Variants in MORC4 observed in about 807,000 individuals in gnomAD.
MORC4 encodes the protein MORC family CW-type zinc finger 4, also known as MORC family CW-type zinc finger protein 4.
MORC4 carries 22 observed loss-of-function variants against 65.5 expected under a neutral mutation model. The observed-to-expected ratio is 0.34, with a 90% CI of 0.24 to 0.48. The LOEUF is 0.48. MORC4 is among the 20% of genes least tolerant of loss of function. The probability of loss-of-function intolerance (pLI) is 0.99; values close to 1 mark genes in which losing one functional copy is unlikely to be tolerated. For missense variants in MORC4, 624 were observed against 703.0 expected, an observed-to-expected ratio of 0.89 and a Z score of 1.27; for synonymous variants, 267 against 255.8, an observed-to-expected ratio of 1.04 and a Z score of -0.42.
At chrX:106,949,019 CT>C (rs1344094615) in intron 14 of MORC4, among the ~76,000 whole-genome samples, 2 of 111,666 alleles carry the variant, frequency 1.8e-5, no homozygotes, top group Non-Finnish European at 3.8e-5. Flanking sequence ...CATTTTCTCT[CT>C]ATTCTTCTAT....
At chrX:106,960,185 A>G (rs1202861813) in intron 10 of MORC4, among the ~76,000 whole-genome samples, 2 of 112,220 alleles carry the variant, frequency 1.8e-5, no homozygotes. Flanking sequence ...GAAAGGTCCT[A>G]TTAGCTTCGG....
chrX:106,999,076 C>G (rs1182851107), intron 2 of MORC4, among the ~76,000 whole-genome samples: 1 of 111,958 alleles, frequency 8.9e-6, no homozygotes, highest in Admixed American at 9.4e-5. Flanking sequence ...ACTTTAAAAG[C>G]AAACACCGGT....
chrX:106,981,371 G>T lies in MORC4; in HGVS notation c.781C>A (p.Leu261Ile). The T allele has an allele frequency of 8.3e-7, 1 of 1,205,256 alleles. No individual in the cohort carries two copies. The highest frequency in any genetic ancestry group is 1.1e-6 in the Non-Finnish European group (1 of 892,390). ...EKMTGGVTSE[L>I]PETEYSLRAF... ...CTTAAAGAATATTCTGTTTCTGGTA[G>T]CTCAGAGGTAACACCGCCAGTCATT... Residue 261 changes from leucine (L) to isoleucine (I), a missense_variant, in exon 6 of 17, where the codon CTA becomes ATA. Coordinates refer to ENST00000355610, the MANE Select transcript of MORC4 (RefSeq NM_024657.5).
intron 9 of MORC4, among the ~76,000 whole-genome samples, chrX:106,962,763 C>T (rs938331581): frequency 1.8e-5 from 2 of 111,738 alleles, no homozygotes; most frequent in Non-Finnish European, 3.8e-5. Context: ...TCAGGGTCAA[C>T]AAAAATGTAA....
chrX:106,962,693 G>C (rs928330547), intron 9 of MORC4, among the ~76,000 whole-genome samples: 1 of 111,996 alleles, frequency 8.9e-6, no homozygotes, highest in African/African-American at 3.2e-5. Flanking sequence ...GTTACTGGAG[G>C]CTGTATCTGA....
intron 9 of MORC4, among the ~76,000 whole-genome samples, chrX:106,969,012 C>G (rs1934441611): frequency 8.9e-6 from 1 of 111,932 alleles, no homozygotes; most frequent in African/African-American, 3.2e-5. Flanking sequence ...AACTCTCCAC[C>G]ACGAATCAAC....
intron 5 of MORC4, among the ~76,000 whole-genome samples, chrX:106,981,734 A>G (rs538357375): frequency 3.6e-5 from 4 of 111,921 alleles, no homozygotes; most frequent in African/African-American, 1.3e-4. Context: ...AAGAATGTGG[A>G]ATGTCTATGA....
At chrX:106,999,596 G>T in intron 2 of MORC4, 81 bp downstream of exon 2, 1 of 952,972 alleles carries the variant, frequency 1.0e-6, no homozygotes, top group Non-Finnish European at 1.4e-6. Context: ...GCGCGGCTCT[G>T]CGCATTCCTC....
intron 9 of MORC4, among the ~76,000 whole-genome samples, chrX:106,975,581 TG>T (rs1284712617): frequency 9.0e-6 from 1 of 111,577 alleles, no homozygotes; most frequent in Non-Finnish European, 1.9e-5. Context: ...AAAAGAGATT[TG>T]GGAAATTTCT....
chrX:106,995,358 G>A (rs943434034), intron 2 of MORC4, among the ~76,000 whole-genome samples: 10 of 111,559 alleles, frequency 9.0e-5, no homozygotes, highest in South Asian at 3.8e-4. Context: ...GGAGCCTCCC[G>A]GTCACACCCT....
intron 13 of MORC4, 50 bp from the exon 14 acceptor site, chrX:106,955,138 C>A: frequency 1.1e-6 from 1 of 950,965 alleles, no homozygotes. Flanking sequence ...AAACCAAATG[C>A]CAAAGGATGA....
Position 106,980,907 on chromosome X carries a change from T to A in MORC4, c.920A>T (p.Tyr307Phe), listed in dbSNP as rs374513815. The A allele has an allele frequency of 1.7e-5, 20 of 1,204,789 alleles. No individual in the cohort carries two copies. The highest frequency in any genetic ancestry group is 2.0e-5 in the Non-Finnish European group (18 of 890,242). ...TAAGGATACTGTGAAGGTAGGTTTA[T>A]ATGTATCATATTCTACATTGGCCAG... is the stretch of plus-strand genomic sequence containing the variant. ...KSLANVEYDT[Y>F]KPTFTNKQVR... The change falls in exon 7 of 17, where the codon TAT (tyrosine) becomes TTT (phenylalanine). Residue 307 changes from tyrosine (Y) to phenylalanine (F), a missense_variant. Transcript: ENST00000355610.
chrX:106,949,362 T>A (rs1933920759), intron 14 of MORC4, among the ~76,000 whole-genome samples: 1 of 112,248 alleles, frequency 8.9e-6, no homozygotes, highest in African/African-American at 3.2e-5. Flanking sequence ...GTCTGATAAA[T>A]CCAATATCTG....
intron 2 of MORC4, among the ~76,000 whole-genome samples, chrX:106,996,089 G>A (rs752912027): frequency 8.1e-5 from 9 of 111,101 alleles, no homozygotes; most frequent in Non-Finnish European, 1.5e-4. Flanking sequence ...TTTACCCAAC[G>A]GTGCATTCAA....
intron 3 of MORC4, among the ~76,000 whole-genome samples, chrX:106,992,045 GATGTT>G (rs1336456627): frequency 9.0e-6 from 1 of 111,696 alleles, no homozygotes; most frequent in Non-Finnish European, 1.9e-5. Context: ...ATATAAAACT[GATGTT>G]ATAAGTTAAA....
intron 9 of MORC4, among the ~76,000 whole-genome samples, chrX:106,971,921 G>A (rs1452913009): frequency 3.6e-5 from 4 of 111,891 alleles, no homozygotes; most frequent in Middle Eastern, 4.7e-3. Context: ...GATTCCTCAA[G>A]AATCTAGAAC....
At chrX:106,964,965 G>A (rs1005890326) in intron 9 of MORC4, among the ~76,000 whole-genome samples, 35 of 106,688 alleles carry the variant, frequency 3.3e-4, no homozygotes, top group African/African-American at 1.2e-3. Context: ...CCAAGATGGT[G>A]CCATTGCACT....
In MORC4 at chrX:106,980,892, G is replaced by C; in HGVS notation, c.935C>G (p.Thr312Arg). 1 of 1,204,263 alleles carries C rather than the reference G, an allele frequency of 8.3e-7. No individual in the cohort carries two copies. The highest frequency in any genetic ancestry group is 2.2e-5 in the Admixed American group (1 of 45,941). ...VEYDTYKPTF[T>R]NKQVRITFGF... Reference sequence around the variant, plus strand: ...GTAGTGGTACACTTGTAAGGATACTGTGAAGGTAGGTTTATATGTATCATA... The same window carrying C: ...GTAGTGGTACACTTGTAAGGATACTCTGAAGGTAGGTTTATATGTATCATA... Residue 312 changes from threonine to arginine, a missense_variant and splice_region_variant, in exon 7 of 17, where the codon ACA (threonine) becomes AGA (arginine). Physicochemically the swap from Thr to Arg is moderately conservative, Grantham distance 71. Transcript: ENST00000355610.
rs1247027303 is a variant in MORC4 at position 106,941,956 on chromosome X, T to C, written c.2642A>G (p.Glu881Gly). ...AATTAACCTTTCTAGGTCATCTCCC[T>C]CTGGGGTCCGGTAGGAGACCTGAGC... ...QKAQVSYRTP[E>G]GDDLERALAK... The change falls in exon 16 of 17, where the codon GAG becomes GGG. Residue 881 changes from glutamate to glycine, a missense_variant. Coordinates refer to ENST00000355610, the MANE Select transcript of MORC4 (RefSeq NM_024657.5). 6 of 1,210,242 alleles carry C rather than the reference T, an allele frequency of 5.0e-6. No homozygotes were observed. The highest frequency in any genetic ancestry group is 6.7e-6 in the Non-Finnish European group (6 of 894,740).
Sources: allele counts gnomAD v4.1 joint callset (sites outside exome capture counted in the v4.1 genomes callset), GRCh38; gene constraint gnomAD v4.1.1; transcripts MANE v1.5; gene names NCBI Gene and HGNC (gene_info 2026-07-23, HGNC 2026-07-21).